The following NUAK1 variants were observed in gnomAD, a reference collection of about 807,000 sequenced individuals.
NUAK1 encodes the protein NUAK family SNF1-like kinase 1.
NUAK1 carries 26 observed loss-of-function variants against 56.9 expected under a neutral mutation model. The ratio of observed to expected loss-of-function variants is 0.46; its 90% confidence interval spans 0.33 to 0.63. The LOEUF is 0.63. Among genes scored for constraint, NUAK1 ranks in the 30% least tolerant of loss-of-function variants. The probability of loss-of-function intolerance (pLI) is 0.02; values close to 1 mark genes in which losing one functional copy is unlikely to be tolerated. For synonymous variants in NUAK1, 337 were observed against 336.0 expected, an observed-to-expected ratio of 1.00 and a Z score of -0.03; for missense variants, 727 against 876.1, an observed-to-expected ratio of 0.83 and a Z score of 2.15.
At chr12:106,102,437 G>A (rs1435137829) in intron 2 of NUAK1, among the ~76,000 whole-genome samples, 1 of 152,196 alleles carries the variant, frequency 6.6e-6, no homozygotes, top group Non-Finnish European at 1.5e-5. Flanking sequence ...CACATGAAAT[G>A]TGGCTAGTGT....
intron 4 of NUAK1, among the ~76,000 whole-genome samples, chr12:106,076,034 G>A (rs2032461728): frequency 6.6e-6 from 1 of 152,216 alleles, no homozygotes; most frequent in South Asian, 2.1e-4. Context: ...TTTAAAAAGT[G>A]ACCTGAACTC....
At chr12:106,102,134 A>G (rs2032755825) in intron 2 of NUAK1, among the ~76,000 whole-genome samples, 1 of 152,232 alleles carries the variant, frequency 6.6e-6, no homozygotes, top group Non-Finnish European at 1.5e-5. Context: ...AAAAGGACAC[A>G]TGTAAGACCC....
chr12:106,073,270 C>G (rs187524260), intron 4 of NUAK1, among the ~76,000 whole-genome samples: 1 of 152,096 alleles, frequency 6.6e-6, no homozygotes. Context: ...GCTGCATCTG[C>G]GGTGGTGTGC....
chr12:106,103,912 T>C (rs2032773743), intron 2 of NUAK1, among the ~76,000 whole-genome samples: 1 of 152,180 alleles, frequency 6.6e-6, no homozygotes, highest in Admixed American at 6.5e-5. Context: ...CCACCATGAT[T>C]GTAAGTTTCC....
Position 106,065,949 on chromosome 12 carries a change from A to G in NUAK1, c.*853T>C. 1 of 152,580 alleles carries G rather than the reference A, an allele frequency of 6.6e-6. No individual in the cohort carries two copies. Among genetic ancestry groups the G allele is most frequent in the Non-Finnish European group, 1.5e-5 (1 of 68,078 alleles). The allele number at this position is 152,580 out of a possible 1,614,324, so 9.5% of individuals were successfully genotyped here. A position where few individuals can be genotyped will look rare whatever the true frequency, so the allele number is the denominator to read the frequency against. ...CCACCCTCAAGAGGTTGTGCTGTAG[A>G]GCAAGGCAGACATCAGGAAAGAGGA... On this transcript the variant is annotated 3_prime_UTR_variant, in exon 7 of 7. Coordinates refer to ENST00000261402, the MANE Select transcript of NUAK1 (RefSeq NM_014840.3).
At chr12:106,115,548 C>T (rs1329156863) in intron 1 of NUAK1, among the ~76,000 whole-genome samples, 1 of 152,206 alleles carries the variant, frequency 6.6e-6, no homozygotes, top group Non-Finnish European at 1.5e-5. Context: ...CATCTTTTTC[C>T]TTCCAAGAGA....
intron 3 of NUAK1, among the ~76,000 whole-genome samples, chr12:106,086,187 A>C (rs1482583331): frequency 6.6e-6 from 1 of 152,230 alleles, no homozygotes; most frequent in African/African-American, 2.4e-5. Context: ...CATAATCAGA[A>C]ATTAGAAACA....
intron 1 of NUAK1, among the ~76,000 whole-genome samples, chr12:106,137,185 T>G (rs1430006498): frequency 6.6e-6 from 1 of 152,218 alleles, no homozygotes; most frequent in African/African-American, 2.4e-5. Context: ...TGAACTTTGC[T>G]GACTGGCACC....
At chr12:106,079,081 T>C (rs2032490214) in intron 4 of NUAK1, among the ~76,000 whole-genome samples, 1 of 152,180 alleles carries the variant, frequency 6.6e-6, no homozygotes, top group South Asian at 2.1e-4. Context: ...AGCCATAGGT[T>C]TGTAGCCAGT....
chr12:106,114,360 A>G (rs1015698574), intron 1 of NUAK1, among the ~76,000 whole-genome samples: 1 of 152,196 alleles, frequency 6.6e-6, no homozygotes, highest in African/African-American at 2.4e-5. Context: ...CTATAAGGAG[A>G]GGGACTCGGA....
chr12:106,068,366 C>T (rs1344182593), intron 6 of NUAK1, among the ~76,000 whole-genome samples: 2 of 151,938 alleles, frequency 1.3e-5, no homozygotes, highest in African/African-American at 4.8e-5. Flanking sequence ...ATAACCATGG[C>T]TTTCTTTATT....
intron 4 of NUAK1, among the ~76,000 whole-genome samples, chr12:106,074,028 AATATACAC>A (rs2032436335): frequency 6.6e-6 from 1 of 152,172 alleles, no homozygotes; most frequent in Admixed American, 6.5e-5. Flanking sequence ...CATATGTACA[AATATACAC>A]ATATACACAT....
chr12:106,135,052 T>C (rs1358554489), intron 1 of NUAK1, among the ~76,000 whole-genome samples: 2 of 152,216 alleles, frequency 1.3e-5, no homozygotes, highest in Non-Finnish European at 2.9e-5. Flanking sequence ...TTGATTAATG[T>C]CCCCTTTTGA....
intron 6 of NUAK1, among the ~76,000 whole-genome samples, chr12:106,068,197 A>G (rs1450046744): frequency 1.3e-5 from 2 of 152,240 alleles, no homozygotes; most frequent in Non-Finnish European, 2.9e-5. Flanking sequence ...TTTCCCTGTA[A>G]GTGAGAAAAT....
intron 2 of NUAK1, among the ~76,000 whole-genome samples, chr12:106,088,529 A>T (rs2032598879): frequency 6.6e-6 from 1 of 152,082 alleles, no homozygotes; most frequent in Non-Finnish European, 1.5e-5. Context: ...AGAGCTAAAA[A>T]CTATAGTGTT....
At chr12:106,119,797 C>T (rs1176048627) in intron 1 of NUAK1, among the ~76,000 whole-genome samples, 1 of 152,102 alleles carries the variant, frequency 6.6e-6, no homozygotes, top group African/African-American at 2.4e-5. Flanking sequence ...AACTCCAAAA[C>T]ACAGTACAGA....
rs1200591559 is a variant in NUAK1, at chr12:106,067,631, G to A, written c.1157C>T (p.Pro386Leu). 6.2e-7 allele frequency: 1 copy of A among 1,614,108 alleles called. No individual in the cohort carries two copies. Among genetic ancestry groups the A allele is most frequent in the East Asian group, 2.2e-5 (1 of 44,896 alleles). The change falls in exon 7 of 7, where the codon CCT becomes CTT. Residue 386 changes from proline (P) to leucine (L), a missense_variant. Transcript: ENST00000261402. This position sits in a 1 kb window ranked among gnomAD's most constrained non-coding sequence, Gnocchi z 6.0. ...DFAQSGQDAVPESPSKLSSKR... is the reference protein window; with the variant it reads ...DFAQSGQDAVLESPSKLSSKR... The stretch of plus-strand genomic sequence containing the variant: ...AGAACTCAACTTGGATGGGCTTTCA[G>A]GCACTGCATCCTGACCAGACTGAGC...
intron 1 of NUAK1, among the ~76,000 whole-genome samples, chr12:106,110,107 T>G (rs987035777): frequency 6.6e-6 from 1 of 152,182 alleles, no homozygotes; most frequent in African/African-American, 2.4e-5. Flanking sequence ...GCAGGGCTCC[T>G]GAGTCCAAAC....
At chr12:106,074,637 T>A (rs2032442118) in intron 4 of NUAK1, among the ~76,000 whole-genome samples, 1 of 152,148 alleles carries the variant, frequency 6.6e-6, no homozygotes, top group Admixed American at 6.5e-5. Context: ...TAGGTTTCCA[T>A]CATTCTCCAA....
Sources: allele counts gnomAD v4.1 joint callset (sites outside exome capture counted in the v4.1 genomes callset), GRCh38; gene constraint gnomAD v4.1.1; non-coding constraint Gnocchi (gnomAD v3.1); transcripts MANE v1.5; gene names NCBI Gene and HGNC (gene_info 2026-07-23, HGNC 2026-07-21).